EPHA3: variants seen among roughly 807,000 people sequenced by gnomAD.
The protein encoded by EPHA3 is EPH receptor A3.
EPHA3 carries 42 observed loss-of-function variants against 107.1 expected under a neutral mutation model. That is an observed-to-expected ratio of 0.39 (90% confidence interval 0.31 to 0.51). EPHA3 has a LOEUF of 0.51. EPHA3 is among the 20% of genes least tolerant of loss of function. EPHA3 has a pLI of 0.78. For missense variants in EPHA3, 1,183 were observed against 1,211.2 expected (o/e 0.98, Z 0.35); for synonymous variants, 461 against 424.8 (o/e 1.09, Z -1.05).
intron 2 of EPHA3, among the ~76,000 whole-genome samples, chr3:89,178,809 A>G (rs1044239522): frequency 7.9e-5 from 12 of 152,040 alleles, no homozygotes; most frequent in Non-Finnish European, 1.3e-4. Context: ...TGGGTAAAAG[A>G]AAAGTGTTTT....
rs1259503123 is a variant in EPHA3 at position 89,466,574 on chromosome 3, G to A, written c.2691-5890G>A. Among the ~76,000 whole-genome samples the A allele has an allele frequency of 1.5e-5, 2 of 130,752 alleles. 1 individual carries two copies. The highest frequency in any genetic ancestry group is 5.9e-5 in the African/African-American group (2 of 33,842). The allele number at this position is 130,752 out of a possible 152,430, so 85.8% of individuals were successfully genotyped here. On this transcript the variant is annotated intron_variant, in intron 15 of 16. Transcript: ENST00000336596. ...GCCGGTCTGAAAAGCGCAATATTCG[G>A]GTGGGAGTGACCCGATTTTCCAGGT...
chr3:89,358,563 A>G (rs1474195871), intron 5 of EPHA3, among the ~76,000 whole-genome samples: 1 of 151,142 alleles, frequency 6.6e-6, no homozygotes, highest in East Asian at 1.9e-4. Flanking sequence ...TCATGAATAC[A>G]GCATGAAGTT....
intron 10 of EPHA3, among the ~76,000 whole-genome samples, chr3:89,416,545 G>T (rs748977887): frequency 5.0e-4 from 75 of 151,230 alleles, no homozygotes; most frequent in Non-Finnish European, 1.1e-3. Flanking sequence ...ACAATTCAGT[G>T]ATTTTTAGTA....
In EPHA3 at chr3:89,393,559, A is replaced by G. The variant is rs202105445; in HGVS notation, c.1307-2278A>G. On this transcript the variant is annotated intron_variant, in intron 5 of 16. Transcript: ENST00000336596. ...AAAGTTTCATGGTGGTATCAAATTAAATGTAGGACCTCATGTGTTCCAACA... is the reference window on the plus strand; with the variant it reads ...AAAGTTTCATGGTGGTATCAAATTAGATGTAGGACCTCATGTGTTCCAACA... Among the ~76,000 whole-genome samples the G allele has an allele frequency of 1.8e-4, 27 of 152,334 alleles. No individual in the cohort carries two copies. The East Asian group carries it at 5.0e-3, about 28-fold the overall frequency.
chr3:89,153,592 G>T (rs1704733781), intron 2 of EPHA3, among the ~76,000 whole-genome samples: 1 of 151,884 alleles, frequency 6.6e-6, no homozygotes, highest in South Asian at 2.1e-4. Context: ...AATTCTTGTT[G>T]ACTTTACTTT....
intron 5 of EPHA3, among the ~76,000 whole-genome samples, chr3:89,354,639 C>T (rs1274976374): frequency 1.3e-5 from 2 of 151,112 alleles, no homozygotes; most frequent in African/African-American, 4.8e-5. Context: ...AATGCCAAGG[C>T]CAAAGAGGTG....
chr3:89,226,650 G>A (rs1467532062), intron 3 of EPHA3, among the ~76,000 whole-genome samples: 2 of 151,902 alleles, frequency 1.3e-5, no homozygotes, highest in Non-Finnish European at 2.9e-5. Context: ...ACTTTACTTG[G>A]TTCAGTAATT....
chr3:89,197,144 C>A (rs528108858), intron 2 of EPHA3, among the ~76,000 whole-genome samples: 1 of 152,206 alleles, frequency 6.6e-6, no homozygotes, highest in South Asian at 2.1e-4. Flanking sequence ...CTAAAAGGAC[C>A]TAAATGACCT....
chr3:89,205,826 G>A (rs1576229298), intron 2 of EPHA3, among the ~76,000 whole-genome samples: 1 of 150,884 alleles, frequency 6.6e-6, no homozygotes, highest in Non-Finnish European at 1.5e-5. Flanking sequence ...TCTCTGCCTT[G>A]AGACAATTTC....
intron 2 of EPHA3, among the ~76,000 whole-genome samples, chr3:89,183,916 A>G (rs972942884): frequency 2.6e-5 from 4 of 151,954 alleles, no homozygotes; most frequent in African/African-American, 9.7e-5. Flanking sequence ...GAGACATTGA[A>G]ATGATTATGT....
chr3:89,287,187 C>T (rs1165979713), intron 3 of EPHA3, among the ~76,000 whole-genome samples: 1 of 152,110 alleles, frequency 6.6e-6, no homozygotes, highest in Non-Finnish European at 1.5e-5. Context: ...ACGTCAAGCA[C>T]AGTTCTTAGT....
Position 89,290,211 on chromosome 3 carries a change from G to A in EPHA3, c.815-50705G>A, listed in dbSNP as rs566909874. On this transcript the variant is annotated intron_variant, in intron 3 of 16. Coordinates refer to ENST00000336596, the MANE Select transcript of EPHA3 (RefSeq NM_005233.6). ...TGAGGTTTTATATAAGTGCAGATAA[G>A]CAAAAATTATATGTTCCTTTACAAA... 2.0e-5 allele frequency among the ~76,000 whole-genome samples: 3 copies of A among 152,196 alleles called. No homozygotes were observed. The East Asian group carries it at 5.8e-4, about 29-fold the overall frequency.
At chr3:89,203,940 G>T (rs1200179839) in intron 2 of EPHA3, among the ~76,000 whole-genome samples, 1 of 152,146 alleles carries the variant, frequency 6.6e-6, no homozygotes. Context: ...CCAGCTGCGA[G>T]GTTGCTGGGT....
At position 89,341,177 on chromosome 3, in the gene EPHA3, GC is replaced by G. The variant is rs1390315234; in HGVS notation, c.970+109del. ...AGCATTTGGCCCATTTCCTTCTGTT[GC>G]CCGTGTGCAAATTGAAAGCTTTCTC... On this transcript the variant is annotated intron_variant, in intron 4 of 16. Transcript: ENST00000336596. 3.3e-6 allele frequency: 4 copies of G among 1,217,434 alleles called. No individual in the cohort carries two copies. In the African/African-American group the frequency reaches 6.2e-5, roughly 19 times the overall value. The allele number at this position is 1,217,434 out of a possible 1,614,324, so 75.4% of individuals were successfully genotyped here. A position where few individuals can be genotyped will look rare whatever the true frequency, so the allele number is the denominator to read the frequency against.
chr3:89,331,134 G>GT (rs1559649903), intron 3 of EPHA3, among the ~76,000 whole-genome samples: 1 of 152,060 alleles, frequency 6.6e-6, no homozygotes, highest in Non-Finnish European at 1.5e-5. Flanking sequence ...ATTTACATAC[G>GT]TTACATGTAC....
intron 5 of EPHA3, among the ~76,000 whole-genome samples, chr3:89,347,649 A>T (rs1045730374): frequency 6.6e-6 from 1 of 150,512 alleles, no homozygotes; most frequent in Non-Finnish European, 1.5e-5. Context: ...TTCCAACACT[A>T]TGTTGAATAA....
chr3:89,450,110 G>GA (rs1406474969), intron 14 of EPHA3, 67 bp from the exon 15 acceptor site: 3 of 1,364,596 alleles, frequency 2.2e-6, no homozygotes, highest in African/African-American at 1.5e-5. Flanking sequence ...CCCCGCCCAT[G>GA]AAAACGTAAA....
intron 3 of EPHA3, among the ~76,000 whole-genome samples, chr3:89,252,506 GGATCTC>G (rs1705186900): frequency 1.3e-5 from 2 of 152,212 alleles, no homozygotes; most frequent in East Asian, 3.9e-4. Flanking sequence ...AGGAGGATGA[GGATCTC>G]TTACCCCAGG....
chr3:89,435,882 GGCAGAGGTT>G (rs1439739709), intron 13 of EPHA3, among the ~76,000 whole-genome samples: 2 of 150,690 alleles, frequency 1.3e-5, no homozygotes, highest in Non-Finnish European at 3.0e-5. Context: ...GAACCTGGGA[GGCAGAGGTT>G]GCAGCGAACG....
Sources: gnomAD v4.1 joint callset for allele counts (sites outside exome capture counted in the v4.1 genomes callset) on GRCh38, gnomAD v4.1.1 for gene constraint, MANE v1.5 for transcripts, NCBI Gene and HGNC (gene_info 2026-07-23, HGNC 2026-07-21) for gene names.